Variants in MAN2A1 observed in about 807,000 individuals in gnomAD.
The protein encoded by MAN2A1 is alpha-mannosidase 2.
In MAN2A1, 76 loss-of-function variants were observed where a neutral mutation model predicts 142.6. That is an observed-to-expected ratio of 0.53 (90% CI 0.44 to 0.65). The LOEUF (loss-of-function observed/expected upper bound fraction) is 0.65, where lower values mean the gene tolerates loss of function less well. Ranked by LOEUF, MAN2A1 falls within the 30% of genes least tolerant of loss-of-function variation. MAN2A1 has a pLI of 0.00. For missense variants in MAN2A1, 1,311 were observed against 1,365.1 expected (o/e 0.96, Z 0.62); for synonymous variants, 559 against 473.2 (o/e 1.18, Z -2.35).
intron 16 of MAN2A1, among the ~76,000 whole-genome samples, chr5:109,828,953 T>G (rs920011183): frequency 3.9e-5 from 6 of 152,046 alleles, no homozygotes; most frequent in African/African-American, 1.4e-4. Flanking sequence ...ATTTATAACC[T>G]GACTCTTGGC....
intron 12 of MAN2A1, chr5:109,794,078 C>CTAAGTTTTAAATGAAGTTT: frequency 6.6e-6 from 1 of 152,122 alleles, no homozygotes; most frequent in African/African-American, 2.4e-5. Flanking sequence ...ATGAAGAAGC[C>CTAAGTTTTAAATGAAGTTT]AAACTCGCAA....
intron 3 of MAN2A1, among the ~76,000 whole-genome samples, chr5:109,727,950 T>A (rs943662142): frequency 2.0e-5 from 3 of 152,138 alleles, no homozygotes; most frequent in African/African-American, 7.2e-5. Context: ...TAGACACAGT[T>A]TTTTTTAGTT....
chr5:109,800,374 G>C (rs933917620), intron 12 of MAN2A1, among the ~76,000 whole-genome samples: 2 of 152,074 alleles, frequency 1.3e-5, no homozygotes, highest in African/African-American at 4.8e-5. Flanking sequence ...GGTATGGGTT[G>C]GTCTTGTTCA....
chr5:109,721,018 A>G (rs896522141), intron 3 of MAN2A1, among the ~76,000 whole-genome samples: 3 of 152,204 alleles, frequency 2.0e-5, no homozygotes, highest in Non-Finnish European at 4.4e-5. Context: ...GAGTTCTGGC[A>G]TTTATTGCCT....
At chr5:109,718,935 T>A (rs1042693548) in intron 3 of MAN2A1, among the ~76,000 whole-genome samples, 1 of 148,482 alleles carries the variant, frequency 6.7e-6, no homozygotes, top group Non-Finnish European at 1.5e-5. Flanking sequence ...TAGGCTTTTC[T>A]TTTAAGTTCC....
chr5:109,745,519 G>T (rs571949903), intron 4 of MAN2A1, among the ~76,000 whole-genome samples: 1 of 152,036 alleles, frequency 6.6e-6, no homozygotes, highest in East Asian at 1.9e-4. Flanking sequence ...ATAAAGTATT[G>T]TTTACTATAC....
At chr5:109,827,819 A>G (rs143725498) in intron 16 of MAN2A1, among the ~76,000 whole-genome samples, 75 of 152,324 alleles carry the variant, frequency 4.9e-4, no homozygotes, top group Admixed American at 4.4e-3. Context: ...TTTCTAATGA[A>G]GGCGTGGCAC....
chr5:109,733,621 A>G (rs1326356445), intron 4 of MAN2A1, among the ~76,000 whole-genome samples: 3 of 152,100 alleles, frequency 2.0e-5, no homozygotes, highest in Non-Finnish European at 4.4e-5. Context: ...TGAGATAATC[A>G]TGTGGTTTTT....
chr5:109,816,227 C>G (rs1202385448), intron 12 of MAN2A1, among the ~76,000 whole-genome samples: 4 of 152,036 alleles, frequency 2.6e-5, no homozygotes, highest in Non-Finnish European at 5.9e-5. Flanking sequence ...AATATTTTTT[C>G]AAATATAGTT....
chr5:109,734,642 C>G (rs1038504140), intron 4 of MAN2A1, among the ~76,000 whole-genome samples: 1 of 152,186 alleles, frequency 6.6e-6, no homozygotes. Flanking sequence ...AGTAGTCATT[C>G]AGGAACAGGT....
chr5:109,691,027 T>C (rs1750656695), intron 1 of MAN2A1, among the ~76,000 whole-genome samples: 1 of 152,222 alleles, frequency 6.6e-6, no homozygotes, highest in Non-Finnish European at 1.5e-5. Flanking sequence ...TTTTTCTTTT[T>C]CTTCCCCGCT....
chr5:109,794,220 G>A (rs1181470161), intron 12 of MAN2A1: 1 of 152,146 alleles, frequency 6.6e-6, no homozygotes, highest in Admixed American at 6.5e-5. Flanking sequence ...TTGAACCAAG[G>A]CGGCTCTAGT....
intron 20 of MAN2A1, 87 bp downstream of exon 20, chr5:109,855,421 A>G (rs1755583293): frequency 1.3e-6 from 1 of 756,424 alleles, no homozygotes. Flanking sequence ...AAAATAATGT[A>G]TGCTTTACTA....
chr5:109,820,391 A>C, intron 15 of MAN2A1, 49 bp downstream of exon 15: 2 of 1,527,130 alleles, frequency 1.3e-6, no homozygotes, highest in Non-Finnish European at 1.8e-6. Flanking sequence ...TTATTGAAAG[A>C]GTATTGAGGA....
intron 16 of MAN2A1, among the ~76,000 whole-genome samples, chr5:109,838,602 T>C (rs1258263171): frequency 1.3e-5 from 2 of 152,196 alleles, no homozygotes; most frequent in Admixed American, 6.5e-5. Context: ...GGCAATCCTT[T>C]CACTCTTTCA....
At chr5:109,805,175 G>GT (rs1264534714) in intron 12 of MAN2A1, among the ~76,000 whole-genome samples, 1 of 152,102 alleles carries the variant, frequency 6.6e-6, no homozygotes, top group Non-Finnish European at 1.5e-5. Flanking sequence ...AACTTAATTG[G>GT]TGACAAGACT....
intron 4 of MAN2A1, 85 bp from the exon 5 acceptor site, chr5:109,755,244 G>A: frequency 4.7e-6 from 5 of 1,055,696 alleles, no homozygotes; most frequent in Non-Finnish European, 7.2e-6. Flanking sequence ...TTTAAAGGCT[G>A]TTCTTAATGT....
intron 1 of MAN2A1, among the ~76,000 whole-genome samples, chr5:109,712,455 A>G (rs924559320): frequency 6.6e-6 from 1 of 152,198 alleles, no homozygotes; most frequent in African/African-American, 2.4e-5. Context: ...CCCTTCCATG[A>G]TAATGAATCT....
At chr5:109,765,438 G>T (rs1752964128) in intron 5 of MAN2A1, among the ~76,000 whole-genome samples, 1 of 152,058 alleles carries the variant, frequency 6.6e-6, no homozygotes, top group South Asian at 2.1e-4. Flanking sequence ...ATGTCCCATT[G>T]TCCTCACTGC....
Sources: allele counts gnomAD v4.1 joint callset (sites outside exome capture counted in the v4.1 genomes callset), GRCh38; gene constraint gnomAD v4.1.1; transcripts MANE v1.5; gene names NCBI Gene and HGNC (gene_info 2026-07-23, HGNC 2026-07-21).